Variants in VASH1 observed in about 807,000 individuals in gnomAD.
The protein encoded by VASH1 is tubulinyl-Tyr carboxypeptidase 1.
VASH1 carries 16 observed loss-of-function variants against 35.0 expected under a neutral mutation model. The observed-to-expected ratio is 0.46, with a 90% CI of 0.31 to 0.70. The LOEUF is 0.70. VASH1 is among the 30% of genes least tolerant of loss of function. The pLI is 0.05. For synonymous variants in VASH1, 214 were observed against 200.9 expected (o/e 1.07, Z -0.55); for missense variants, 505 against 510.7 (o/e 0.99, Z 0.11).
At position 76,771,380 on chromosome 14, in the gene VASH1, G is replaced by C. The variant is rs377224981; in HGVS notation, c.455+134G>C. 402 of 771,164 alleles carry C rather than the reference G, an allele frequency of 5.2e-4. No homozygotes were observed. In the South Asian group the frequency reaches 0.013, roughly 25 times the overall value. The allele number at this position is 771,164 out of a possible 1,614,324, so 47.8% of individuals were successfully genotyped here. On this transcript the variant is annotated intron_variant, in intron 3 of 6. Transcript: ENST00000167106. ...GAAGGAAGCCAGCCTTTGGGGGCAG[G>C]TGCCACCCTGGGGCCTTATGGATGT...
At position 76,762,765 on chromosome 14, in the gene VASH1, G is replaced by A; in HGVS notation, c.-57G>A. ...TTATCTCTGCAGCCGGTGTGTGGGA[G>A]GCCTCTTGTGAGCCAGTTGTTTTCC... On this transcript the variant is annotated 5_prime_UTR_variant, in exon 1 of 7. Transcript: ENST00000167106. 1 of 1,409,948 alleles carries A rather than the reference G, an allele frequency of 7.1e-7. No individual in the cohort carries two copies. Among genetic ancestry groups the A allele is most frequent in the Non-Finnish European group, 9.3e-7 (1 of 1,072,888 alleles). 87.3% of individuals were successfully genotyped at this position (1,409,948 alleles called of 1,614,324 possible). A position where few individuals can be genotyped will look rare whatever the true frequency, so the allele number is the denominator to read the frequency against.
rs78834922 is a variant in VASH1 at position 76,768,998 on chromosome 14, G to A, written c.310-965G>A. Among the ~76,000 whole-genome samples, 16 of 152,360 alleles carry A rather than the reference G, an allele frequency of 1.1e-4. No homozygotes were observed. In the East Asian group the frequency reaches 3.1e-3, roughly 29 times the overall value. On this transcript the variant is annotated intron_variant, in intron 1 of 6. Transcript: ENST00000167106. ...GAAACCTCGGAGGACCCTAGCTGAT[G>A]TATCTCTTGGCCTCCTTGGCCTCAC... is the stretch of plus-strand genomic sequence containing the variant.
At chr14:76,765,957 C>T (rs1281148945) in intron 1 of VASH1, among the ~76,000 whole-genome samples, 1 of 152,190 alleles carries the variant, frequency 6.6e-6, no homozygotes, top group African/African-American at 2.4e-5. Context: ...ATGTTCAAAT[C>T]CTTGATCTCC....
Position 76,762,832 on chromosome 14 carries a change from G to T in VASH1, c.11G>T (p.Gly4Val). Residue 4 changes from glycine to valine, a missense_variant, in exon 1 of 7, where the codon GGG (glycine) becomes GTG (valine). Physicochemically the swap from Gly to Val is moderately radical, Grantham distance 109. Transcript: ENST00000167106. ...CTCGAAGATTTAGGGATGCCAGGGG[G>T]GAAGAAGGTGGCTGGGGGTGGCAGC... is the stretch of plus-strand genomic sequence containing the variant. MPG[G>V]KKVAGGGSSG... The T allele has an allele frequency of 6.7e-7, 1 of 1,493,720 alleles. No homozygotes were observed. The highest frequency in any genetic ancestry group is 2.4e-5 in the East Asian group (1 of 41,950). 92.5% of individuals were successfully genotyped at this position (1,493,720 alleles called of 1,614,324 possible). A position where few individuals can be genotyped will look rare whatever the true frequency, so the allele number is the denominator to read the frequency against.
intron 5 of VASH1, 75 bp downstream of exon 5, chr14:76,776,348 A>G (rs1421236636): frequency 6.8e-7 from 1 of 1,462,010 alleles, no homozygotes; most frequent in East Asian, 2.5e-5. Flanking sequence ...GTGAGGATTG[A>G]GAGGACTGGG....
At chr14:76,773,498 C>G in intron 4 of VASH1, 1 of 493,614 alleles carries the variant, frequency 2.0e-6, no homozygotes, top group East Asian at 3.1e-5. Flanking sequence ...AACCCCAAAT[C>G]AGGGCACAGT....
In VASH1 at chr14:76,782,136, G is replaced by A. The variant is rs17104869; in HGVS notation, c.*3118G>A. 8,509 of 152,334 alleles carry A rather than the reference G, an allele frequency of 0.056. 272 individuals are homozygous for A. The highest frequency in any genetic ancestry group is 0.075 in the African/African-American group (3,122 of 41,536). 9.4% of individuals were successfully genotyped at this position (152,334 alleles called of 1,614,324 possible). A position where few individuals can be genotyped will look rare whatever the true frequency, so the allele number is the denominator to read the frequency against. On this transcript the variant is annotated 3_prime_UTR_variant, in exon 7 of 7. Transcript: ENST00000167106. The stretch of plus-strand genomic sequence containing the variant: ...TCAGTGCCAGGGGCAGAACACTGGG[G>A]AGCCAGGTATAGAGAGCCTTCCTGT...
rs954811234 is a variant in VASH1 at position 76,781,603 on chromosome 14, GAAAAC to G, written c.*2587_*2591del. 1 of 152,298 alleles carries G rather than the reference GAAAAC, an allele frequency of 6.6e-6. No individual in the cohort carries two copies. The highest frequency in any genetic ancestry group is 1.5e-5 in the Non-Finnish European group (1 of 68,126). 9.4% of individuals were successfully genotyped at this position (152,298 alleles called of 1,614,324 possible). On this transcript the variant is annotated 3_prime_UTR_variant, in exon 7 of 7. Coordinates refer to ENST00000167106, the MANE Select transcript of VASH1 (RefSeq NM_014909.5). ...ATCCTTTCCCAGAGCCCTCCATGGA[GAAAAC>G]AGCAAAATGAAGCCCTTACCTGCTT...
intron 1 of VASH1, 162 bp from the exon 2 acceptor site, chr14:76,769,801 T>A (rs1454352254): frequency 1.3e-6 from 1 of 757,030 alleles, no homozygotes; most frequent in African/African-American, 1.8e-5. Context: ...GGCAAGAGTC[T>A]TCGAATGAGT....
At chr14:76,776,334 C>A in intron 5 of VASH1, 61 bp downstream of exon 5, 2 of 1,471,630 alleles carry the variant, frequency 1.4e-6, no homozygotes, top group Non-Finnish European at 9.0e-7. Flanking sequence ...CCAGCAGAGG[C>A]GATGTGAGGA....
intron 1 of VASH1, chr14:76,769,357 G>A (rs565988232): frequency 7.8e-7 from 1 of 1,289,182 alleles, no homozygotes; most frequent in South Asian, 1.2e-5. Context: ...CCCAGCCACA[G>A]AGCTACAGCA....
In VASH1 at chr14:76,779,196, T is replaced by C. The variant is rs1023552472; in HGVS notation, c.*178T>C. The C allele has an allele frequency of 2.6e-5, 19 of 728,012 alleles. No homozygotes were observed. The highest frequency in any genetic ancestry group is 3.8e-5 in the Non-Finnish European group (16 of 417,206). 45.1% of individuals were successfully genotyped at this position (728,012 alleles called of 1,614,324 possible). On this transcript the variant is annotated 3_prime_UTR_variant, in exon 7 of 7. Coordinates refer to ENST00000167106, the MANE Select transcript of VASH1 (RefSeq NM_014909.5). Reference sequence around the variant, plus strand: ...CTCGCTCCCACTGAGCCAAGCCCCCTAACTTTGGGCCTAGAGGCCGTTAGT... The same window carrying C: ...CTCGCTCCCACTGAGCCAAGCCCCCCAACTTTGGGCCTAGAGGCCGTTAGT...
Position 76,763,007 on chromosome 14 carries a change from C to T in VASH1, c.186C>T (p.Val62=), listed in dbSNP as rs1387918175. Residue 62 remains valine (V), a synonymous_variant, in exon 1 of 7, where the codon GTC becomes GTT. Coordinates refer to ENST00000167106, the MANE Select transcript of VASH1 (RefSeq NM_014909.5). ...GAGACGGAGGCGTCCCCTTCTTTGT[C>T]AACCGGGGTGGGCTACCTGTGGATG... ...DLRDGGVPFF[V]NRGGLPVDEA... 1 of 1,549,378 alleles carries T rather than the reference C, an allele frequency of 6.5e-7. No homozygotes were observed. The highest frequency in any genetic ancestry group is 2.0e-5 in the Admixed American group (1 of 50,586).
In VASH1 at chr14:76,770,049, G is replaced by T; in HGVS notation, c.396G>T (p.Leu132=). The part of the protein sequence containing the change: ...LEAVQRYIRE[L]QYNHTGTQFF... ...CTGTGCAGCGCTACATCAGAGAGCT[G>T]CAGTATCCTCTCTGGTCAAGGGTCA... Residue 132 remains leucine (L), a splice_region_variant and synonymous_variant, in exon 2 of 7, where the codon CTG becomes CTT. Coordinates refer to ENST00000167106, the MANE Select transcript of VASH1 (RefSeq NM_014909.5). The T allele has an allele frequency of 6.2e-7, 1 of 1,613,258 alleles. No individual in the cohort carries two copies. The highest frequency in any genetic ancestry group is 8.5e-7 in the Non-Finnish European group (1 of 1,179,474).
intron 1 of VASH1, among the ~76,000 whole-genome samples, chr14:76,766,520 AG>A (rs1218801789): frequency 2.0e-5 from 3 of 152,348 alleles, no homozygotes; most frequent in African/African-American, 7.2e-5. Flanking sequence ...GGCTCACAGC[AG>A]CCTCTACCTT....
chr14:76,773,284 T>C (rs1341789724), intron 4 of VASH1, 73 bp downstream of exon 4: 2 of 1,506,322 alleles, frequency 1.3e-6, no homozygotes, highest in African/African-American at 1.4e-5. Context: ...AAAGTGAGGG[T>C]GGGGTAGGTT....
In VASH1 at chr14:76,776,051, G is replaced by C; in HGVS notation, c.690G>C (p.Pro230=). ...GGCGCGAGGACCTGATGTACAAGCC[G>C]CCCGCCTTCCGCACGCTCAGCGAGC... ...MSRREDLMYK[P]PAFRTLSELV... Residue 230 remains proline (P), a synonymous_variant, in exon 5 of 7, where the codon CCG becomes CCC. Coordinates refer to ENST00000167106, the MANE Select transcript of VASH1 (RefSeq NM_014909.5). 6.2e-7 allele frequency: 1 copy of C among 1,610,518 alleles called. No homozygotes were observed. Among genetic ancestry groups the C allele is most frequent in the East Asian group, 2.2e-5 (1 of 44,820 alleles).
intron 1 of VASH1, among the ~76,000 whole-genome samples, chr14:76,767,685 G>C (rs1379170863): frequency 2.0e-5 from 3 of 152,194 alleles, no homozygotes; most frequent in Admixed American, 1.3e-4. Context: ...TGCATATATA[G>C]AATCTTTCTT....
chr14:76,767,266 A>ATAAAT (rs2140175200), intron 1 of VASH1, among the ~76,000 whole-genome samples: 1 of 151,450 alleles, frequency 6.6e-6, no homozygotes, highest in East Asian at 1.9e-4. Context: ...AAATAAATAA[A>ATAAAT]TAAATAAATA....
Sources: gnomAD v4.1 joint callset for allele counts (sites outside exome capture counted in the v4.1 genomes callset) on GRCh38, gnomAD v4.1.1 for gene constraint, MANE v1.5 for transcripts, NCBI Gene and HGNC (gene_info 2026-07-23, HGNC 2026-07-21) for gene names.